The following THADA variants were observed in gnomAD, a reference collection of about 807,000 sequenced individuals.
THADA encodes THADA armadillo repeat containing.
THADA carries 213 observed loss-of-function variants against 219.8 expected under a neutral mutation model. That is an observed-to-expected ratio of 0.97 (90% CI 0.87 to 1.09). The LOEUF is 1.09. Among genes scored for constraint, THADA ranks in the 50% least tolerant of loss-of-function variants. THADA has a pLI of 0.00. For missense variants in THADA, 2,956 were observed against 2,311.3 expected (o/e 1.28, Z -5.72); for synonymous variants, 1,018 against 828.9 (o/e 1.23, Z -3.92).
At chr2:43,291,431 G>A (rs1405090456) in intron 34 of THADA, among the ~76,000 whole-genome samples, 3 of 58,750 alleles carry the variant, frequency 5.1e-5, no homozygotes, top group Admixed American at 2.4e-4. Flanking sequence ...TCCAGCCTGG[G>A]CAACAAGAGC....
At chr2:43,546,771 C>T (rs987145469) in intron 20 of THADA, among the ~76,000 whole-genome samples, 16 of 151,996 alleles carry the variant, frequency 1.1e-4, no homozygotes, top group South Asian at 2.1e-4. Flanking sequence ...TGTCTCTGCA[C>T]ATGAGATGGG....
chr2:43,260,708 T>C (rs564057664), intron 36 of THADA, among the ~76,000 whole-genome samples: 1 of 152,380 alleles, frequency 6.6e-6, no homozygotes, highest in Admixed American at 6.5e-5. Flanking sequence ...ATTTTTATTT[T>C]ATATTTCTAG....
chr2:43,274,615 C>A (rs1672503884), intron 36 of THADA, among the ~76,000 whole-genome samples: 1 of 152,076 alleles, frequency 6.6e-6, no homozygotes, highest in South Asian at 2.1e-4. Context: ...ATGGGGAGAT[C>A]CTGGAGGGCA....
At chr2:43,394,274 TTTTGCATGTGCTATAA>T (rs1673757478) in intron 29 of THADA, among the ~76,000 whole-genome samples, 1 of 152,246 alleles carries the variant, frequency 6.6e-6, no homozygotes, top group African/African-American at 2.4e-5. Context: ...ACATGTTCTT[TTTTGCATGTGCTATAA>T]TTTGAGTCTT....
At position 43,569,646 on chromosome 2, in the gene THADA, T is replaced by C. The variant is rs183614888; in HGVS notation, c.2187+742A>G. Among the ~76,000 whole-genome samples the C allele has an allele frequency of 1.2e-4, 19 of 152,330 alleles. No homozygotes were observed. The East Asian group carries it at 3.7e-3, about 29-fold the overall frequency. The stretch of plus-strand genomic sequence containing the variant: ...AACCAAGGGCATCCATAATAATGTT[T>C]AGAGTAAGTAGTGAGCATGTCATAG... On this transcript the variant is annotated intron_variant, in intron 14 of 37. Coordinates refer to ENST00000405975, the MANE Select transcript of THADA (RefSeq NM_022065.5).
At chr2:43,487,581 T>C (rs1041590933) in intron 25 of THADA, among the ~76,000 whole-genome samples, 5 of 152,196 alleles carry the variant, frequency 3.3e-5, no homozygotes, top group Non-Finnish European at 5.9e-5. Context: ...GTCTGAATAT[T>C]TGTGTTCCCC....
At chr2:43,556,883 C>T (rs1350224942) in intron 16 of THADA, among the ~76,000 whole-genome samples, 1 of 152,034 alleles carries the variant, frequency 6.6e-6, no homozygotes, top group African/African-American at 2.4e-5. Flanking sequence ...CTGGGCAACA[C>T]GGTGAGACAA....
intron 23 of THADA, among the ~76,000 whole-genome samples, chr2:43,506,722 G>C (rs1689720819): frequency 6.6e-6 from 1 of 152,178 alleles, no homozygotes; most frequent in Admixed American, 6.5e-5. Flanking sequence ...TATATAGTAT[G>C]TGAATTACAT....
Position 43,556,553 on chromosome 2 carries a change from A to T in THADA, c.2466T>A (p.Asp822Glu). The part of the protein sequence containing the change: ...KLSKTAVHFQ[D>E]SGKLQGLFQA... ...GAAATAAGCCTTGCAGTTTCCCCGA[A>T]TCCTAGAATAAAGCGCAGACTCAGT... Residue 822 changes from aspartate to glutamate, a missense_variant and splice_region_variant, in exon 17 of 38, where the codon GAT (aspartate) becomes GAA (glutamate). Coordinates refer to ENST00000405975, the MANE Select transcript of THADA (RefSeq NM_022065.5). The T allele has an allele frequency of 6.2e-7, 1 of 1,613,282 alleles. No individual in the cohort carries two copies. The highest frequency in any genetic ancestry group is 8.5e-7 in the Non-Finnish European group (1 of 1,179,498).
intron 14 of THADA, among the ~76,000 whole-genome samples, chr2:43,568,113 C>A (rs1698894321): frequency 6.6e-6 from 1 of 152,124 alleles, no homozygotes; most frequent in Non-Finnish European, 1.5e-5. Flanking sequence ...AGCTGAGGAA[C>A]CTTACACAGG....
intron 4 of THADA, 101 bp downstream of exon 4, chr2:43,590,723 T>C: frequency 1.6e-6 from 2 of 1,227,452 alleles, no homozygotes; most frequent in East Asian, 2.4e-5. Context: ...CTTTTTGTGA[T>C]CTGTATCAGT....
At chr2:43,555,005 G>A (rs61050956) in intron 17 of THADA, among the ~76,000 whole-genome samples, 1,878 of 152,194 alleles carry the variant, frequency 0.012, 39 homozygotes, top group African/African-American at 0.041. Flanking sequence ...AAAAGCTTTG[G>A]ATTTTGGACC....
intron 30 of THADA, among the ~76,000 whole-genome samples, chr2:43,328,229 A>G (rs892359467): frequency 1.3e-5 from 2 of 152,206 alleles, no homozygotes; most frequent in Non-Finnish European, 2.9e-5. Flanking sequence ...TATATATTTA[A>G]ACAAGTCATT....
intron 26 of THADA, among the ~76,000 whole-genome samples, chr2:43,468,474 A>C (rs1391858939): frequency 6.6e-6 from 1 of 152,222 alleles, no homozygotes; most frequent in Non-Finnish European, 1.5e-5. Context: ...AAAGGCCCTA[A>C]GAGAAAGTTC....
intron 7 of THADA, among the ~76,000 whole-genome samples, chr2:43,583,670 A>G (rs1700695309): frequency 6.6e-6 from 1 of 152,248 alleles, no homozygotes; most frequent in Non-Finnish European, 1.5e-5. Flanking sequence ...CAAATTGTCC[A>G]TCGACAGATT....
rs181016710 is a variant in THADA, at chr2:43,517,047, G to T, written c.3375-8267C>A. Among the ~76,000 whole-genome samples, 4 of 152,142 alleles carry T rather than the reference G, an allele frequency of 2.6e-5. No individual in the cohort carries two copies. The East Asian group carries it at 7.7e-4, about 29-fold the overall frequency. On this transcript the variant is annotated intron_variant, in intron 22 of 37. Transcript: ENST00000405975. ...TCATTCCCTGAACATCTACCATTGGGGTGGGGGTTAAAGTATTAATAGTTC... is the reference window on the plus strand; with the variant it reads ...TCATTCCCTGAACATCTACCATTGGTGTGGGGGTTAAAGTATTAATAGTTC...
At chr2:43,546,053 G>C (rs142959198) in intron 20 of THADA, among the ~76,000 whole-genome samples, 42,460 of 140,088 alleles carry the variant, frequency 0.3, 6,952 homozygotes, top group African/African-American at 0.38. Context: ...GAATGTGTCC[G>C]AGAGATTCTG....
intron 29 of THADA, among the ~76,000 whole-genome samples, chr2:43,365,493 C>T (rs1230439468): frequency 6.6e-6 from 1 of 151,598 alleles, no homozygotes; most frequent in East Asian, 1.9e-4. Flanking sequence ...ATTACTCAAA[C>T]CTGGGAGGTG....
At chr2:43,491,630 G>C (rs1002866433) in intron 25 of THADA, among the ~76,000 whole-genome samples, 5 of 152,158 alleles carry the variant, frequency 3.3e-5, no homozygotes, top group Non-Finnish European at 1.5e-5. Flanking sequence ...TACTCAGTAT[G>C]ATAGCATGCT....
Sources: allele counts gnomAD v4.1 joint callset (sites outside exome capture counted in the v4.1 genomes callset), GRCh38; gene constraint gnomAD v4.1.1; transcripts MANE v1.5; gene names NCBI Gene and HGNC (gene_info 2026-07-23, HGNC 2026-07-21).